The following CDH18 variants were observed in gnomAD, a reference collection of about 807,000 sequenced individuals.
The protein encoded by CDH18 is cadherin-18.
CDH18 carries 31 observed loss-of-function variants against 67.9 expected under a neutral mutation model. The observed-to-expected ratio is 0.46, with a 90% CI of 0.34 to 0.62. CDH18 has a LOEUF of 0.62. Ranked by LOEUF, CDH18 falls within the 20% of genes least tolerant of loss-of-function variation. The pLI is 0.01. For synonymous variants in CDH18, 362 were observed against 347.2 expected (o/e 1.04, Z -0.48); for missense variants, 890 against 975.5 (o/e 0.91, Z 1.17).
At chr5:20,293,556 G>T (rs899851423) in intron 1 of CDH18, among the ~76,000 whole-genome samples, 1 of 152,012 alleles carries the variant, frequency 6.6e-6, no homozygotes, top group South Asian at 2.1e-4. Flanking sequence ...CTTTATTTGG[G>T]GTATTTAGAA....
At chr5:19,508,153 A>G (rs186286796) in intron 10 of CDH18, among the ~76,000 whole-genome samples, 8 of 152,088 alleles carry the variant, frequency 5.3e-5, no homozygotes, top group African/African-American at 1.7e-4. Flanking sequence ...GGCATATTCA[A>G]TATTTCTGTT....
chr5:20,264,347 G>T (rs1744876633), intron 1 of CDH18, among the ~76,000 whole-genome samples: 1 of 151,998 alleles, frequency 6.6e-6, no homozygotes, highest in African/African-American at 2.4e-5. Context: ...GCATAAAAAT[G>T]TAAATATTAG....
chr5:20,275,924 C>T (rs926009165), intron 1 of CDH18, among the ~76,000 whole-genome samples: 4 of 152,102 alleles, frequency 2.6e-5, no homozygotes, highest in African/African-American at 4.8e-5. Flanking sequence ...CTCATGGTTG[C>T]TCTATCACAG....
At chr5:20,057,320 C>T (rs1488319844) in intron 2 of CDH18, among the ~76,000 whole-genome samples, 1 of 152,030 alleles carries the variant, frequency 6.6e-6, no homozygotes, top group African/African-American at 2.4e-5. Flanking sequence ...ATATTCATAT[C>T]CTGAATCTTT....
chr5:19,581,907 G>T (rs994766661), intron 7 of CDH18, among the ~76,000 whole-genome samples: 1 of 151,968 alleles, frequency 6.6e-6, no homozygotes. Flanking sequence ...CAGAGGTCTG[G>T]CCTGGATGAT....
At chr5:19,988,955 G>C (rs543012494), upstream of CDH18, among the ~76,000 whole-genome samples, 2 of 152,204 alleles carry the variant, frequency 1.3e-5, no homozygotes, top group Non-Finnish European at 2.9e-5. Flanking sequence ...AACCCCCTTT[G>C]ATTGTGCCAG....
At chr5:19,657,978 A>T (rs1756631330) in intron 5 of CDH18, among the ~76,000 whole-genome samples, 1 of 152,094 alleles carries the variant, frequency 6.6e-6, no homozygotes, top group Non-Finnish European at 1.5e-5. Flanking sequence ...CCCCAGGATA[A>T]ATTACACTGG....
intron 9 of CDH18, among the ~76,000 whole-genome samples, chr5:19,541,583 C>T (rs532825466): frequency 6.6e-6 from 1 of 152,266 alleles, no homozygotes; most frequent in Admixed American, 6.5e-5. Context: ...GAAGGCCTCA[C>T]AATCATGAAA....
At chr5:19,526,882 A>G (rs912340421) in intron 9 of CDH18, among the ~76,000 whole-genome samples, 2 of 151,986 alleles carry the variant, frequency 1.3e-5, no homozygotes, top group Admixed American at 1.3e-4. Context: ...CTACTACTAT[A>G]ATAAAAATTT....
At chr5:19,815,826 T>C (rs1253812183) in intron 3 of CDH18, among the ~76,000 whole-genome samples, 2 of 151,878 alleles carry the variant, frequency 1.3e-5, no homozygotes, top group African/African-American at 2.4e-5. Context: ...CACTGGAACT[T>C]TTTCCTTACC....
At chr5:19,578,204 G>T (rs1282671184) in intron 7 of CDH18, among the ~76,000 whole-genome samples, 1 of 152,148 alleles carries the variant, frequency 6.6e-6, no homozygotes, top group Admixed American at 6.5e-5. Flanking sequence ...ATGTAAATTT[G>T]TCTGCTTTAT....
chr5:20,347,820 T>A (rs983126411), intron 1 of CDH18, among the ~76,000 whole-genome samples: 1 of 152,102 alleles, frequency 6.6e-6, no homozygotes, highest in Non-Finnish European at 1.5e-5. Context: ...AACATTTACC[T>A]CTCCCATTTG....
intron 2 of CDH18, among the ~76,000 whole-genome samples, chr5:20,239,415 T>C (rs1190170602): frequency 6.6e-6 from 1 of 152,116 alleles, no homozygotes; most frequent in Non-Finnish European, 1.5e-5. Context: ...AAGATCATGC[T>C]ACTGCACTTC....
At chr5:19,700,887 T>C (rs1323822482) in intron 5 of CDH18, among the ~76,000 whole-genome samples, 1 of 151,272 alleles carries the variant, frequency 6.6e-6, no homozygotes, top group African/African-American at 2.4e-5. Context: ...AATTAGGAAA[T>C]AGAAATTTTG....
chr5:19,939,119 T>C (rs756094530), intron 2 of CDH18, among the ~76,000 whole-genome samples: 37 of 151,522 alleles, frequency 2.4e-4, no homozygotes, highest in Middle Eastern at 4.4e-3. Context: ...ATATAATATG[T>C]TATTTAAGTG....
At chr5:19,514,629 C>A (rs1390534312) in intron 10 of CDH18, among the ~76,000 whole-genome samples, 2 of 152,190 alleles carry the variant, frequency 1.3e-5, no homozygotes, top group African/African-American at 4.8e-5. Flanking sequence ...CGTCTGTTGG[C>A]TGCATAAATG....
At position 19,502,865 on chromosome 5, in the gene CDH18, A is replaced by T. The variant is rs954158687; in HGVS notation, c.1630+127T>A. The T allele has an allele frequency of 1.1e-5, 8 of 733,378 alleles. No individual in the cohort carries two copies. The Admixed American group carries it at 1.1e-4, about 10-fold the overall frequency. The allele number at this position is 733,378 out of a possible 1,614,324, so 45.4% of individuals were successfully genotyped here. A position where few individuals can be genotyped will look rare whatever the true frequency, so the allele number is the denominator to read the frequency against. ...ACAAGCTATTCACAGATCATAACAC[A>T]GTAGCATCAAACTGACTTTGAATGC... On this transcript the variant is annotated intron_variant, in intron 11 of 12. Transcript: ENST00000382275.
chr5:20,008,728 C>T (rs1266073123), intron 2 of CDH18, among the ~76,000 whole-genome samples: 5 of 152,100 alleles, frequency 3.3e-5, no homozygotes, highest in Non-Finnish European at 7.4e-5. Flanking sequence ...GCAATTTATG[C>T]CCGGCCTATG....
intron 2 of CDH18, chr5:19,848,085 C>T (rs528893533): frequency 2.6e-5 from 4 of 152,272 alleles, no homozygotes; most frequent in East Asian, 3.9e-4. Flanking sequence ...GAGGCAGAGG[C>T]CACTGAGTTG....
Sources: allele counts gnomAD v4.1 joint callset (sites outside exome capture counted in the v4.1 genomes callset), GRCh38; gene constraint gnomAD v4.1.1; transcripts MANE v1.5; gene names NCBI Gene and HGNC (gene_info 2026-07-23, HGNC 2026-07-21).